RORA: variants seen among roughly 807,000 people sequenced by gnomAD.
RORA encodes the protein RAR related orphan receptor A, also known as nuclear receptor ROR-alpha.
RORA carries 7 observed loss-of-function variants against 69.5 expected under a neutral mutation model. The ratio of observed to expected loss-of-function variants is 0.10; its 90% CI spans 0.06 to 0.19. The LOEUF is 0.19. Ranked by LOEUF, RORA falls within the 10% of genes least tolerant of loss-of-function variation. RORA has a pLI of 1.00. For missense variants in RORA, 457 were observed against 663.0 expected (o/e 0.69, Z 3.41); for synonymous variants, 261 against 240.8 (o/e 1.08, Z -0.78).
intron 1 of RORA, among the ~76,000 whole-genome samples, chr15:61,146,167 G>A (rs967036711): frequency 2.0e-5 from 3 of 151,988 alleles, no homozygotes; most frequent in Non-Finnish European, 4.4e-5. Flanking sequence ...AAAATATGTC[G>A]AGGATTTTTC....
At chr15:60,816,783 C>T (rs2072823596) in intron 1 of RORA, among the ~76,000 whole-genome samples, 1 of 150,288 alleles carries the variant, frequency 6.7e-6, no homozygotes, top group Non-Finnish European at 1.5e-5. Flanking sequence ...AAGTCTCCAG[C>T]TATCTTCTTG....
intron 1 of RORA, among the ~76,000 whole-genome samples, chr15:60,908,931 T>C (rs1259015151): frequency 1.3e-5 from 2 of 152,042 alleles, no homozygotes; most frequent in Middle Eastern, 3.2e-3. Flanking sequence ...CCAGGGATTG[T>C]TTGAAGAAAA....
chr15:60,922,825 T>C (rs1316219546), intron 1 of RORA, among the ~76,000 whole-genome samples: 1 of 152,216 alleles, frequency 6.6e-6, no homozygotes, highest in African/African-American at 2.4e-5. Flanking sequence ...ATGGTTGCTG[T>C]CACTGTCAAA....
chr15:61,003,338 T>C (rs1330346727), intron 1 of RORA, among the ~76,000 whole-genome samples: 1 of 152,196 alleles, frequency 6.6e-6, no homozygotes, highest in Non-Finnish European at 1.5e-5. Flanking sequence ...TCTGCTGATT[T>C]AGTGATTTGA....
intron 1 of RORA, among the ~76,000 whole-genome samples, chr15:60,864,999 C>A (rs1390357948): frequency 1.3e-5 from 2 of 152,264 alleles, no homozygotes; most frequent in East Asian, 3.9e-4. Flanking sequence ...TCCACTTTTA[C>A]AAGAAAGTTG....
chr15:60,873,609 G>A (rs1354318368), intron 1 of RORA, among the ~76,000 whole-genome samples: 1 of 152,114 alleles, frequency 6.6e-6, no homozygotes, highest in Non-Finnish European at 1.5e-5. Context: ...GATAATGAAA[G>A]AAAATTAATT....
In RORA at chr15:61,198,071, G is replaced by A. The variant is rs141256033; in HGVS notation, c.166+30982C>T. On this transcript the variant is annotated intron_variant, in intron 1 of 10. Transcript: ENST00000335670. Reference sequence around the variant, plus strand: ...TAAACGCAACAGGGCCAGACTAGAGGAAGCAAGTGAGACGCTCATCTCAGG... The same window carrying A: ...TAAACGCAACAGGGCCAGACTAGAGAAAGCAAGTGAGACGCTCATCTCAGG... 3.3e-5 allele frequency among the ~76,000 whole-genome samples: 5 copies of A among 152,242 alleles called. No individual in the cohort carries two copies. The East Asian group carries it at 9.7e-4, about 29-fold the overall frequency.
intron 1 of RORA, among the ~76,000 whole-genome samples, chr15:60,780,303 G>A (rs1460128261): frequency 2.0e-5 from 3 of 152,144 alleles, no homozygotes; most frequent in Non-Finnish European, 4.4e-5. Context: ...CTATGCGGGA[G>A]TATTTTTTAA....
At chr15:61,026,797 T>C (rs1895839121) in intron 1 of RORA, among the ~76,000 whole-genome samples, 2 of 152,214 alleles carry the variant, frequency 1.3e-5, no homozygotes, top group African/African-American at 4.8e-5. Flanking sequence ...GAAGTACCTA[T>C]GGCTAATCTT....
At chr15:60,920,805 T>C (rs982245389) in intron 1 of RORA, among the ~76,000 whole-genome samples, 3 of 152,242 alleles carry the variant, frequency 2.0e-5, no homozygotes, top group African/African-American at 7.2e-5. Flanking sequence ...ATTATGTTCA[T>C]GTTTCTCTCT....
chr15:60,672,666 G>A (rs1174756403), intron 2 of RORA, among the ~76,000 whole-genome samples: 1 of 152,208 alleles, frequency 6.6e-6, no homozygotes, highest in East Asian at 1.9e-4. Flanking sequence ...ACTTCTCTAA[G>A]CTACTTGTCT....
chr15:60,584,168 T>C (rs550523573), intron 2 of RORA, among the ~76,000 whole-genome samples: 2 of 152,326 alleles, frequency 1.3e-5, no homozygotes, highest in South Asian at 4.1e-4. Context: ...TCTGAGATGC[T>C]GTGTAAATAC....
intron 2 of RORA, among the ~76,000 whole-genome samples, chr15:60,550,082 G>A (rs1385383850): frequency 6.6e-6 from 1 of 152,228 alleles, no homozygotes; most frequent in Admixed American, 6.5e-5. Context: ...CATGAGGTCA[G>A]GAGTTCAAGA....
intron 1 of RORA, among the ~76,000 whole-genome samples, chr15:60,987,880 G>C (rs1894255467): frequency 6.6e-6 from 1 of 152,220 alleles, no homozygotes; most frequent in Non-Finnish European, 1.5e-5. Flanking sequence ...CTGGCACTCT[G>C]ATCTTGAAGG....
chr15:60,999,785 C>T (rs1403027610), intron 1 of RORA, among the ~76,000 whole-genome samples: 1 of 152,140 alleles, frequency 6.6e-6, no homozygotes, highest in Non-Finnish European at 1.5e-5. Flanking sequence ...ATCCCCCCTC[C>T]CACCAGCTTC....
intron 1 of RORA, among the ~76,000 whole-genome samples, chr15:60,849,907 C>T (rs1290967474): frequency 6.6e-6 from 1 of 152,256 alleles, no homozygotes; most frequent in South Asian, 2.1e-4. Context: ...TAGTGAGGTG[C>T]GTCTCAAAGG....
intron 2 of RORA, among the ~76,000 whole-genome samples, chr15:60,649,449 A>G (rs2070107465): frequency 6.6e-6 from 1 of 152,146 alleles, no homozygotes; most frequent in Non-Finnish European, 1.5e-5. Context: ...AAAACACTGT[A>G]TGTGTATCTG....
intron 3 of RORA, among the ~76,000 whole-genome samples, chr15:60,524,448 A>G (rs773572338): frequency 2.0e-5 from 3 of 152,184 alleles, no homozygotes; most frequent in South Asian, 2.1e-4. Context: ...GTAAACTTCT[A>G]TCTCCACAGT....
At chr15:61,114,812 A>G (rs896763750) in intron 1 of RORA, among the ~76,000 whole-genome samples, 2 of 152,168 alleles carry the variant, frequency 1.3e-5, no homozygotes, top group African/African-American at 4.8e-5. Flanking sequence ...ATTTGCCCAC[A>G]CAGACATGGT....
Sources: allele counts gnomAD v4.1 joint callset (sites outside exome capture counted in the v4.1 genomes callset), GRCh38; gene constraint gnomAD v4.1.1; transcripts MANE v1.5; gene names NCBI Gene and HGNC (gene_info 2026-07-23, HGNC 2026-07-21).